The following ST3GAL3 variants were observed in gnomAD, a reference collection of about 807,000 sequenced individuals.
ST3GAL3 encodes ST3 beta-galactoside alpha-2,3-sialyltransferase 3, also known as CMP-N-acetylneuraminate-beta-1,4-galactoside alpha-2,3-sialyltransferase.
Under a neutral mutation model 50.1 loss-of-function variants are expected in ST3GAL3, and 21 were observed. That is an observed-to-expected ratio of 0.42 (90% confidence interval 0.30 to 0.60). The LOEUF (loss-of-function observed/expected upper bound fraction) is 0.60. Among genes scored for constraint, ST3GAL3 ranks in the 20% least tolerant of loss-of-function variants. The pLI is 0.19. For synonymous variants in ST3GAL3, 183 were observed against 190.0 expected (o/e 0.96, Z 0.30); for missense variants, 353 against 489.4 (o/e 0.72, Z 2.63).
rs916227210 is a variant in ST3GAL3 at position 43,728,401 on chromosome 1, G to A, written c.-30-7832G>A. ...CTAGGTACTAGATATGCTTCATGCT[G>A]TTGAGATATGACCACTGCCAGGGTC... is the stretch of plus-strand genomic sequence containing the variant. On this transcript the variant is annotated intron_variant, in intron 1 of 11. Transcript: ENST00000347631. Among the ~76,000 whole-genome samples the A allele has an allele frequency of 3.9e-5, 6 of 152,206 alleles. No homozygotes were observed. In the South Asian group the frequency reaches 1.2e-3, roughly 32 times the overall value.
intron 2 of ST3GAL3, among the ~76,000 whole-genome samples, chr1:43,769,768 A>G (rs2154130846): frequency 6.6e-6 from 1 of 152,354 alleles, no homozygotes; most frequent in South Asian, 2.1e-4. Flanking sequence ...ATATATTTGC[A>G]TAAAATCATT....
chr1:43,754,381 G>T (rs148240348), intron 2 of ST3GAL3, among the ~76,000 whole-genome samples: 1 of 152,036 alleles, frequency 6.6e-6, no homozygotes, highest in East Asian at 1.9e-4. Flanking sequence ...TAGTAGAGAC[G>T]AGGTTTCACC....
At chr1:43,880,783 A>G (rs1011161974) in intron 5 of ST3GAL3, among the ~76,000 whole-genome samples, 1 of 152,196 alleles carries the variant, frequency 6.6e-6, no homozygotes, top group Non-Finnish European at 1.5e-5. Context: ...ACCAGAAGCA[A>G]TGCGGTTAAT....
At chr1:43,740,626 G>A (rs1680454117) in intron 2 of ST3GAL3, among the ~76,000 whole-genome samples, 2 of 151,898 alleles carry the variant, frequency 1.3e-5, no homozygotes, top group African/African-American at 4.8e-5. Context: ...GTAATGTCAC[G>A]AGGCCTTGTC....
At chr1:43,717,500 AT>A (rs200100476) in intron 1 of ST3GAL3, among the ~76,000 whole-genome samples, 8,402 of 141,828 alleles carry the variant, frequency 0.059, 610 homozygotes, top group African/African-American at 0.19. Context: ...TTCTTTTCTA[AT>A]TTTTTTTTTT....
At chr1:43,824,566 G>A (rs2062533211) in intron 4 of ST3GAL3, among the ~76,000 whole-genome samples, 1 of 152,200 alleles carries the variant, frequency 6.6e-6, no homozygotes. Flanking sequence ...GCACAAGCCA[G>A]GGCCATACTT....
intron 4 of ST3GAL3, among the ~76,000 whole-genome samples, chr1:43,826,129 G>T (rs1223629021): frequency 6.6e-5 from 10 of 151,868 alleles, no homozygotes; most frequent in Admixed American, 5.9e-4. Flanking sequence ...TTAGCCGGTT[G>T]TGCTGGTAAT....
chr1:43,910,571 T>G (rs1200757875), intron 9 of ST3GAL3, among the ~76,000 whole-genome samples: 1 of 152,218 alleles, frequency 6.6e-6, no homozygotes, highest in Non-Finnish European at 1.5e-5. Context: ...AAATATTGCC[T>G]GCCCACTGGG....
At chr1:43,718,593 C>T (rs1024963471) in intron 1 of ST3GAL3, among the ~76,000 whole-genome samples, 3 of 146,580 alleles carry the variant, frequency 2.0e-5, no homozygotes, top group Non-Finnish European at 3.0e-5. Flanking sequence ...TTTTTCCCTT[C>T]TTCTCCCTCC....
intron 1 of ST3GAL3, among the ~76,000 whole-genome samples, chr1:43,717,930 T>G (rs1416210317): frequency 6.6e-6 from 1 of 152,050 alleles, no homozygotes; most frequent in Non-Finnish European, 1.5e-5. Flanking sequence ...TAGAGTGCAA[T>G]GGCATGACCT....
At chr1:43,917,737 C>T (rs981329950) in intron 9 of ST3GAL3, among the ~76,000 whole-genome samples, 6 of 137,280 alleles carry the variant, frequency 4.4e-5, no homozygotes, top group African/African-American at 8.4e-5. Context: ...GGTGCCATCT[C>T]GGCCCACTGC....
At chr1:43,731,658 A>G (rs1191742002) in intron 1 of ST3GAL3, among the ~76,000 whole-genome samples, 2 of 150,990 alleles carry the variant, frequency 1.3e-5, no homozygotes, top group Non-Finnish European at 2.9e-5. Flanking sequence ...CGGCCTCCCA[A>G]AGTGCTGGGA....
intron 1 of ST3GAL3, among the ~76,000 whole-genome samples, chr1:43,710,420 G>A (rs1664101197): frequency 6.6e-6 from 1 of 152,146 alleles, no homozygotes; most frequent in Admixed American, 6.5e-5. Flanking sequence ...TCATCACACT[G>A]ATCTGGGGCC....
At chr1:43,717,031 A>C (rs1412282747) in intron 1 of ST3GAL3, among the ~76,000 whole-genome samples, 1 of 152,090 alleles carries the variant, frequency 6.6e-6, no homozygotes, top group Non-Finnish European at 1.5e-5. Context: ...CAATGGGATA[A>C]ATTTCAGACT....
intron 3 of ST3GAL3, among the ~76,000 whole-genome samples, chr1:43,796,509 A>C (rs2058698575): frequency 6.6e-6 from 1 of 152,238 alleles, no homozygotes. Context: ...GACTGGATGC[A>C]CACACAGAGG....
chr1:43,877,291 C>A (rs1490154986), intron 5 of ST3GAL3, among the ~76,000 whole-genome samples: 1 of 152,146 alleles, frequency 6.6e-6, no homozygotes, highest in African/African-American at 2.4e-5. Flanking sequence ...TCATGCATTG[C>A]CCAGTCTGGG....
rs2082898406 is a variant in ST3GAL3, at chr1:43,920,791, A to T, written c.901A>T (p.Thr301Ser). Residue 301 changes from threonine (T) to serine (S), a missense_variant, in exon 11 of 12, where the codon ACC becomes TCC. Physicochemically the swap from Thr to Ser is moderately conservative, Grantham distance 58. Transcript: ENST00000347631. ...TGCCCCCGTCTTCTAGAACATCCCT[A>T]CCCTTGGCAGTGTGGCAGTGACCAT... is the stretch of plus-strand genomic sequence containing the variant. Reference protein sequence around the residue: ...NGLMGRGNIPTLGSVAVTMAL... With the variant: ...NGLMGRGNIPSLGSVAVTMAL... The T allele has an allele frequency of 6.2e-7, 1 of 1,613,650 alleles. No individual in the cohort carries two copies.
At chr1:43,856,295 G>T (rs761384811) in intron 5 of ST3GAL3, among the ~76,000 whole-genome samples, 12 of 152,274 alleles carry the variant, frequency 7.9e-5, no homozygotes, top group Non-Finnish European at 1.5e-4. Context: ...CACTTTTATG[G>T]AGTCAAATTT....
At chr1:43,922,897 C>T (rs951041047) in intron 11 of ST3GAL3, among the ~76,000 whole-genome samples, 1 of 150,838 alleles carries the variant, frequency 6.6e-6, no homozygotes, top group Admixed American at 6.6e-5. Flanking sequence ...GTCAGAAGAT[C>T]GAGACCATCC....
Sources: gnomAD v4.1 joint callset for allele counts (sites outside exome capture counted in the v4.1 genomes callset) on GRCh38, gnomAD v4.1.1 for gene constraint, MANE v1.5 for transcripts, NCBI Gene and HGNC (gene_info 2026-07-23, HGNC 2026-07-21) for gene names.